AGBL1: variants seen among roughly 807,000 people sequenced by gnomAD.
AGBL1 encodes the protein AGBL carboxypeptidase 1, also known as cytosolic carboxypeptidase 4.
Under a neutral mutation model 118.9 loss-of-function variants are expected in AGBL1, and 130 were observed. The observed-to-expected ratio is 1.09, with a 90% CI of 0.95 to 1.26. The LOEUF is 1.26. Among genes scored for constraint, AGBL1 ranks in the 50% most tolerant of loss-of-function variants. AGBL1 has a pLI of 0.00. For synonymous variants in AGBL1, 555 were observed against 478.9 expected (o/e 1.16, Z -2.08); for missense variants, 1,584 against 1,298.1 (o/e 1.22, Z -3.38).
intron 5 of AGBL1, among the ~76,000 whole-genome samples, chr15:86,218,674 G>A (rs975009408): frequency 6.6e-6 from 1 of 152,230 alleles, no homozygotes; most frequent in African/African-American, 2.4e-5. Context: ...AAGCAGTAAT[G>A]TTGGGGAAAC....
At chr15:86,280,719 G>A (rs1367010475) in intron 16 of AGBL1, among the ~76,000 whole-genome samples, 1 of 152,162 alleles carries the variant, frequency 6.6e-6, no homozygotes, top group South Asian at 2.1e-4. Flanking sequence ...TAATAACCAA[G>A]AACATCTTTT....
chr15:86,295,130 A>G (rs2079612640), intron 16 of AGBL1, 125 bp from the exon 17 acceptor site: 3 of 1,168,490 alleles, frequency 2.6e-6, no homozygotes, highest in African/African-American at 1.6e-5. Context: ...TCAAGGCCCA[A>G]TACATAAAGG....
intron 22 of AGBL1, among the ~76,000 whole-genome samples, chr15:86,842,217 TA>T (rs35047574): frequency 0.29 from 42,558 of 145,368 alleles, 5,888 homozygotes; most frequent in East Asian, 0.36. Flanking sequence ...CCATCGATAT[TA>T]AAAAAAAAAA....
chr15:86,912,358 C>G lies in AGBL1; in HGVS notation c.*5064C>G, dbSNP rs1483781725. On this transcript the variant is annotated 3_prime_UTR_variant, in exon 23 of 23. Transcript: ENST00000614907. ...CTCCAAGGGTTCCCAGGAGCTGCCA[C>G]ATTTACCCAGGGGCTCTGCCTCCTA... 6.6e-6 allele frequency: 1 copy of G among 152,116 alleles called. No homozygotes were observed. The highest frequency in any genetic ancestry group is 2.4e-5 in the African/African-American group (1 of 41,404). The allele number at this position is 152,116 out of a possible 1,614,324, so 9.4% of individuals were successfully genotyped here. A position where few individuals can be genotyped will look rare whatever the true frequency, so the allele number is the denominator to read the frequency against.
intron 21 of AGBL1, among the ~76,000 whole-genome samples, chr15:86,665,024 A>G (rs1596349382): frequency 1.3e-5 from 2 of 152,262 alleles, no homozygotes; most frequent in Admixed American, 1.3e-4. Flanking sequence ...ACCAGTTAAC[A>G]TTTTTGTGCC....
intron 5 of AGBL1, among the ~76,000 whole-genome samples, chr15:86,197,029 G>C (rs2077824579): frequency 6.6e-6 from 1 of 152,050 alleles, no homozygotes; most frequent in Non-Finnish European, 1.5e-5. Context: ...CTCTAGAACT[G>C]TGAAAAAACA....
chr15:86,081,371 T>G (rs903383682), intron 1 of AGBL1, among the ~76,000 whole-genome samples: 1 of 152,196 alleles, frequency 6.6e-6, no homozygotes, highest in Non-Finnish European at 1.5e-5. Context: ...AAGATTTGTA[T>G]TCCTGAAAGT....
At chr15:86,444,491 G>A (rs546246499) in intron 18 of AGBL1, among the ~76,000 whole-genome samples, 1 of 152,160 alleles carries the variant, frequency 6.6e-6, no homozygotes, top group Non-Finnish European at 1.5e-5. Flanking sequence ...TTGCCCAAAG[G>A]GTTCACTACA....
chr15:86,245,953 A>G (rs902006640), intron 6 of AGBL1, among the ~76,000 whole-genome samples: 1 of 151,858 alleles, frequency 6.6e-6, no homozygotes, highest in African/African-American at 2.4e-5. Context: ...GCTCAGGACT[A>G]TAGCTCACTG....
At chr15:86,289,353 G>T (rs1567179996) in intron 16 of AGBL1, among the ~76,000 whole-genome samples, 1 of 151,846 alleles carries the variant, frequency 6.6e-6, no homozygotes, top group Non-Finnish European at 1.5e-5. Context: ...CATCCTCAGG[G>T]TTTATAACTT....
chr15:86,681,037 T>C (rs1215024595), intron 22 of AGBL1, among the ~76,000 whole-genome samples: 2 of 152,200 alleles, frequency 1.3e-5, no homozygotes, highest in African/African-American at 4.8e-5. Context: ...CATTCTATTC[T>C]CTTGAAACAT....
At chr15:86,657,501 A>T (rs1344662583) in intron 21 of AGBL1, among the ~76,000 whole-genome samples, 1 of 152,178 alleles carries the variant, frequency 6.6e-6, no homozygotes, top group African/African-American at 2.4e-5. Context: ...ATGTACACAT[A>T]TTGACTGGAG....
chr15:86,646,033 T>C (rs138536795), intron 21 of AGBL1, among the ~76,000 whole-genome samples: 1 of 152,342 alleles, frequency 6.6e-6, no homozygotes, highest in African/African-American at 2.4e-5. Context: ...GAATGTGTAA[T>C]ATCCCTGCTC....
intron 21 of AGBL1, among the ~76,000 whole-genome samples, chr15:86,589,925 AAT>A (rs2084309077): frequency 1.3e-5 from 2 of 152,130 alleles, no homozygotes; most frequent in Non-Finnish European, 2.9e-5. Context: ...GCTACAGTAA[AAT>A]ATATTCTCTA....
At chr15:86,276,972 T>G (rs1416820115) in intron 15 of AGBL1, among the ~76,000 whole-genome samples, 1 of 152,096 alleles carries the variant, frequency 6.6e-6, no homozygotes, top group Non-Finnish European at 1.5e-5. Flanking sequence ...GAGGAAGGTG[T>G]GCTGGAAGCA....
At chr15:86,813,769 C>G (rs1481424675) in intron 22 of AGBL1, among the ~76,000 whole-genome samples, 1 of 152,194 alleles carries the variant, frequency 6.6e-6, no homozygotes, top group Non-Finnish European at 1.5e-5. Flanking sequence ...CAGGGCTATT[C>G]AAACTACATA....
chr15:86,326,226 A>T (rs529601082), intron 17 of AGBL1, among the ~76,000 whole-genome samples: 8 of 152,202 alleles, frequency 5.3e-5, no homozygotes, highest in Non-Finnish European at 1.2e-4. Flanking sequence ...AGTCTCATAG[A>T]CATAATGTAT....
At chr15:86,380,080 G>A (rs1023303449) in intron 17 of AGBL1, among the ~76,000 whole-genome samples, 1 of 152,094 alleles carries the variant, frequency 6.6e-6, no homozygotes, top group Admixed American at 6.5e-5. Context: ...ATGTCGTTAG[G>A]CTTGTATTAA....
intron 6 of AGBL1, among the ~76,000 whole-genome samples, chr15:86,229,218 A>G (rs757849158): frequency 6.6e-6 from 1 of 152,178 alleles, no homozygotes; most frequent in Non-Finnish European, 1.5e-5. Flanking sequence ...TCATGCTGCT[A>G]TGAAGAAATA....
Sources: gnomAD v4.1 joint callset for allele counts (sites outside exome capture counted in the v4.1 genomes callset) on GRCh38, gnomAD v4.1.1 for gene constraint, MANE v1.5 for transcripts, NCBI Gene and HGNC (gene_info 2026-07-23, HGNC 2026-07-21) for gene names.